C14orf93: variants seen among roughly 807,000 people sequenced by gnomAD.
C14orf93 encodes chromosome 14 open reading frame 93.
In C14orf93, 23 loss-of-function variants were observed where a neutral mutation model predicts 44.0. That is an observed-to-expected ratio of 0.52 (90% CI 0.38 to 0.74). The LOEUF is 0.74. C14orf93 is among the 30% of genes least tolerant of loss of function. The probability of loss-of-function intolerance (pLI) is 0.00; values close to 1 mark genes in which losing one functional copy is unlikely to be tolerated. For synonymous variants in C14orf93, 253 were observed against 265.7 expected, an observed-to-expected ratio of 0.95 and a Z score of 0.46; for missense variants, 579 against 678.9, an observed-to-expected ratio of 0.85 and a Z score of 1.64.
intron 3 of C14orf93, among the ~76,000 whole-genome samples, chr14:22,990,881 C>T (rs1291334827): frequency 1.1e-4 from 16 of 148,958 alleles, no homozygotes; most frequent in Non-Finnish European, 1.3e-4. Flanking sequence ...TGCAGTGGCA[C>T]GATCTTGGCT....
At chr14:23,008,727 G>C (rs574218890) in intron 1 of C14orf93, among the ~76,000 whole-genome samples, 15 of 152,208 alleles carry the variant, frequency 9.9e-5, no homozygotes, top group Non-Finnish European at 1.9e-4. Flanking sequence ...TGCTCTGCGA[G>C]CCTGTTTTTC....
rs1239100993 is a variant in C14orf93 at position 22,996,067 on chromosome 14, C to G, written c.799G>C (p.Glu267Gln). ...AAAALDSALE[E>Q]SGPGSTGELR... is the part of the protein sequence containing the mutation. ...TCCCCAGTGCTCCCAGGGCCTGACT[C>G]TTCCAAGGCACTGTCCAGCGCAGCA... is the stretch of plus-strand genomic sequence containing the variant. Residue 267 changes from glutamate (E) to glutamine (Q), a missense_variant, in exon 3 of 7, where the codon GAG becomes CAG. Transcript: ENST00000299088. The surrounding 1 kb of genome is among the most constrained non-coding windows in gnomAD (Gnocchi z 4.1). 2 of 1,614,082 alleles carry G rather than the reference C, an allele frequency of 1.2e-6. No individual in the cohort carries two copies. The highest frequency in any genetic ancestry group is 2.7e-5 in the African/African-American group (2 of 74,916).
intron 1 of C14orf93, among the ~76,000 whole-genome samples, chr14:23,002,501 A>T (rs1475460777): frequency 6.6e-6 from 1 of 151,334 alleles, no homozygotes; most frequent in African/African-American, 2.4e-5. Flanking sequence ...ACCATTTATG[A>T]GCTGTGTGAA....
intron 3 of C14orf93, among the ~76,000 whole-genome samples, chr14:22,993,488 A>G (rs1300666425): frequency 1.3e-5 from 2 of 152,198 alleles, no homozygotes; most frequent in Admixed American, 1.3e-4. Flanking sequence ...AGTAGTCCAC[A>G]CTTAAGGAAT....
At chr14:23,008,385 T>C (rs888609818) in intron 1 of C14orf93, among the ~76,000 whole-genome samples, 5 of 152,224 alleles carry the variant, frequency 3.3e-5, no homozygotes, top group African/African-American at 4.8e-5. Context: ...TATAAATTTG[T>C]ACAAGTAACT....
intron 1 of C14orf93, among the ~76,000 whole-genome samples, chr14:23,009,816 C>T (rs2046790114): frequency 6.6e-6 from 1 of 151,648 alleles, no homozygotes; most frequent in African/African-American, 2.4e-5. Context: ...CCCTCAACCA[C>T]AAAAATCTAC....
intron 1 of C14orf93, among the ~76,000 whole-genome samples, chr14:23,009,161 G>A (rs1466439671): frequency 6.6e-6 from 1 of 152,184 alleles, no homozygotes; most frequent in East Asian, 1.9e-4. Context: ...TTTGCCACAT[G>A]GACTATATAC....
At position 22,996,265 on chromosome 14, in the gene C14orf93, C is replaced by G. The variant is rs1292712001; in HGVS notation, c.601G>C (p.Val201Leu). 6 of 1,544,224 alleles carry G rather than the reference C, an allele frequency of 3.9e-6. No homozygotes were observed. The highest frequency in any genetic ancestry group is 5.3e-6 in the Non-Finnish European group (6 of 1,140,888). The change falls in exon 3 of 7, where the codon GTG becomes CTG. Residue 201 changes from valine (V) to leucine (L), a missense_variant. Physicochemically the swap from Val to Leu is conservative, Grantham distance 32 (BLOSUM62 1). Transcript: ENST00000299088. This position sits in a 1 kb window ranked among gnomAD's most constrained non-coding sequence, Gnocchi z 4.1. Reference protein sequence around the residue: ...SEAAPLLNPLVDDYVASEGAV... With the variant: ...SEAAPLLNPLLDDYVASEGAV... ...CCCTCAGAGGCCACGTAATCATCCA[C>G]CAGCTAAGAACATAAAAAATAATAG...
chr14:22,993,127 G>A (rs1223618269), intron 3 of C14orf93, among the ~76,000 whole-genome samples: 3 of 152,164 alleles, frequency 2.0e-5, no homozygotes, highest in Admixed American at 6.5e-5. Context: ...TGATCTGCCC[G>A]CCTTGGCCTC....
In C14orf93 at chr14:22,987,178, G is replaced by A. The variant is rs2139378409; in HGVS notation, c.*37C>T. The A allele has an allele frequency of 6.4e-7, 1 of 1,552,908 alleles. No individual in the cohort carries two copies. The highest frequency in any genetic ancestry group is 8.7e-7 in the Non-Finnish European group (1 of 1,144,620). On this transcript the variant is annotated 3_prime_UTR_variant, in exon 7 of 7. Coordinates refer to ENST00000299088, the MANE Select transcript of C14orf93 (RefSeq NM_021944.4). This position sits in a 1 kb window ranked among gnomAD's most constrained non-coding sequence, Gnocchi z 5.6. Reference sequence around the variant, plus strand: ...TGGCCACCTATTTCTGAGACATGGGGCATGGCGGAAGCCAGAGTTATTCTT... The same window carrying A: ...TGGCCACCTATTTCTGAGACATGGGACATGGCGGAAGCCAGAGTTATTCTT...
chr14:22,988,063 G>T, intron 5 of C14orf93, 48 bp from the exon 6 acceptor site: 1 of 1,343,970 alleles, frequency 7.4e-7, no homozygotes, highest in Non-Finnish European at 1.1e-6. Context: ...CCTCTGAGTA[G>T]TGGTCCCCAG....
intron 1 of C14orf93, among the ~76,000 whole-genome samples, chr14:23,000,543 C>G (rs1392662683): frequency 6.6e-6 from 1 of 152,002 alleles, no homozygotes; most frequent in Non-Finnish European, 1.5e-5. Context: ...TGGTGAAACC[C>G]TGTCTCTACT....
At position 22,989,828 on chromosome 14, in the gene C14orf93, T is replaced by C. The variant is rs1245453755; in HGVS notation, c.998A>G (p.Asn333Ser). ...NGSESIKSSW[N>S]ISVVKFLLEK... ...CAGAAGAAACTTCACTACTGAAATATTCCAAGAGGACTTGATGCTGCCACA... is the reference window on the plus strand; with the variant it reads ...CAGAAGAAACTTCACTACTGAAATACTCCAAGAGGACTTGATGCTGCCACA... Residue 333 changes from asparagine (N) to serine (S), a missense_variant, in exon 5 of 7, where the codon AAT (asparagine) becomes AGT (serine). Physicochemically the swap from Asn to Ser is conservative, Grantham distance 46. Coordinates refer to ENST00000299088, the MANE Select transcript of C14orf93 (RefSeq NM_021944.4). The C allele has an allele frequency of 1.9e-6, 3 of 1,614,044 alleles. No individual in the cohort carries two copies. Among genetic ancestry groups the C allele is most frequent in the Non-Finnish European group, 2.5e-6 (3 of 1,179,884 alleles).
intron 1 of C14orf93, among the ~76,000 whole-genome samples, chr14:22,999,773 A>G (rs1180951101): frequency 6.6e-6 from 1 of 152,248 alleles, no homozygotes; most frequent in Non-Finnish European, 1.5e-5. Context: ...ATGCATTCAG[A>G]GTAACACTCC....
chr14:22,998,815 T>G lies in C14orf93; in HGVS notation c.209A>C (p.Asp70Ala). ...AGCTTCAGCCAAACCCACTGCCTTA[T>G]CGACCCGCTGGTAGATAACATGCAG... ...QLLHVIYQRV[D>A]KAVGLAEAAL... Residue 70 changes from aspartate (D) to alanine (A), a missense_variant, in exon 2 of 7, where the codon GAT becomes GCT. Coordinates refer to ENST00000299088, the MANE Select transcript of C14orf93 (RefSeq NM_021944.4). 6.2e-7 allele frequency: 1 copy of G among 1,614,150 alleles called. No individual in the cohort carries two copies. Among genetic ancestry groups the G allele is most frequent in the Non-Finnish European group, 8.5e-7 (1 of 1,180,034 alleles).
chr14:23,002,746 T>A lies in C14orf93; in HGVS notation c.-379-3344A>T, dbSNP rs563340933. The A allele has an allele frequency of 6.6e-5, 10 of 151,778 alleles. No homozygotes were observed. In the East Asian group the frequency reaches 1.6e-3, roughly 24 times the overall value. 9.4% of individuals were successfully genotyped at this position (151,778 alleles called of 1,614,324 possible). A position where few individuals can be genotyped will look rare whatever the true frequency, so the allele number is the denominator to read the frequency against. On this transcript the variant is annotated intron_variant, in intron 1 of 6. Coordinates refer to ENST00000299088, the MANE Select transcript of C14orf93 (RefSeq NM_021944.4). ...ATCTTTTTTTTTTTAAGAGGCGGGGTCTTGCTATGTTGCCCAGGTTGGTCT... is the reference window on the plus strand; with the variant it reads ...ATCTTTTTTTTTTTAAGAGGCGGGGACTTGCTATGTTGCCCAGGTTGGTCT...
chr14:22,998,865 C>T lies in C14orf93; in HGVS notation c.159G>A (p.Leu53=), dbSNP rs2046153022. ...GGAGCTGCTCTGAGCTCTGAACAGC[C>T]AAGCCATGTCCAGTCACTGTGATGG... is the stretch of plus-strand genomic sequence containing the variant. ...STPITVTGHG[L]AVQSSEQLLH... is the part of the protein sequence containing the mutation. Residue 53 remains leucine, a synonymous_variant, in exon 2 of 7, where the codon TTG becomes TTA. Transcript: ENST00000299088. The T allele has an allele frequency of 6.2e-7, 1 of 1,613,962 alleles. No individual in the cohort carries two copies. The highest frequency in any genetic ancestry group is 8.5e-7 in the Non-Finnish European group (1 of 1,179,998).
chr14:22,990,402 C>T (rs893485985), intron 3 of C14orf93, among the ~76,000 whole-genome samples: 1 of 152,138 alleles, frequency 6.6e-6, no homozygotes, highest in Non-Finnish European at 1.5e-5. Context: ...ATGAACATAC[C>T]CCTGATAGCA....
At chr14:23,009,791 C>T (rs1174448789) in intron 1 of C14orf93, among the ~76,000 whole-genome samples, 1 of 151,996 alleles carries the variant, frequency 6.6e-6, no homozygotes, top group Non-Finnish European at 1.5e-5. Flanking sequence ...TCCCAAGCGG[C>T]TAAATTTTTA....
Sources: gnomAD v4.1 joint callset for allele counts (sites outside exome capture counted in the v4.1 genomes callset) on GRCh38, gnomAD v4.1.1 for gene constraint, Gnocchi (gnomAD v3.1) non-coding constraint, MANE v1.5 for transcripts, NCBI Gene and HGNC (gene_info 2026-07-23, HGNC 2026-07-21) for gene names.